AKAP8: variants seen among roughly 807,000 people sequenced by gnomAD.
The protein encoded by AKAP8 is A-kinase anchoring protein 8.
Under a neutral mutation model 67.5 loss-of-function variants are expected in AKAP8, and 24 were observed. That is an observed-to-expected ratio of 0.36 (90% CI 0.26 to 0.50). The LOEUF (loss-of-function observed/expected upper bound fraction) is 0.50, where lower values mean the gene tolerates loss of function less well. AKAP8 is among the 20% of genes least tolerant of loss of function. The pLI is 0.97. For synonymous variants in AKAP8, 400 were observed against 371.1 expected (o/e 1.08, Z -0.90); for missense variants, 971 against 955.9 (o/e 1.02, Z -0.21).
chr19:15,355,395 A>G lies in AKAP8; in HGVS notation c.1624-25T>C, dbSNP rs760253297. 4.4e-6 allele frequency: 7 copies of G among 1,595,738 alleles called. No homozygotes were observed. In the South Asian group the frequency reaches 7.8e-5, roughly 18 times the overall value. On this transcript the variant is annotated intron_variant, in intron 13 of 13. Transcript: ENST00000269701. ...CCTGGCCAAAGAGGAAACACCGGTCAGCGTGGTGTAAGCAGAGCTCAGGAG... is the reference window on the plus strand; with the variant it reads ...CCTGGCCAAAGAGGAAACACCGGTCGGCGTGGTGTAAGCAGAGCTCAGGAG...
chr19:15,372,204 C>T lies in AKAP8; in HGVS notation c.991+14G>A, dbSNP rs372022781. The T allele has an allele frequency of 5.6e-5, 90 of 1,613,552 alleles. 1 individual carries two copies. The highest frequency in any genetic ancestry group is 7.1e-5 in the Non-Finnish European group (84 of 1,179,772). ...TCCTACATCTGTCTGGCCCACCTGGCCCCCAGGACATACCATTTTCGGAGA... is the reference window on the plus strand; with the variant it reads ...TCCTACATCTGTCTGGCCCACCTGGTCCCCAGGACATACCATTTTCGGAGA... On this transcript the variant is annotated intron_variant, in intron 6 of 13. Transcript: ENST00000269701.
Position 15,369,304 on chromosome 19 carries a change from T to A in AKAP8, c.1072+842A>T. ...GGGCGCCCCGTGCTATGGACAGGAC[T>A]GCTGCGGGTCGCGGGGGGGAGGACC... On this transcript the variant is annotated intron_variant, in intron 8 of 13. Coordinates refer to ENST00000269701, the MANE Select transcript of AKAP8 (RefSeq NM_005858.4). This position sits in a 1 kb window ranked among gnomAD's most constrained non-coding sequence, Gnocchi z 4.6. 1.0e-6 allele frequency: 1 copy of A among 980,156 alleles called. No homozygotes were observed. The highest frequency in any genetic ancestry group is 4.7e-5 in the South Asian group (1 of 21,198). 60.7% of individuals were successfully genotyped at this position (980,156 alleles called of 1,614,324 possible). A position where few individuals can be genotyped will look rare whatever the true frequency, so the allele number is the denominator to read the frequency against.
intron 2 of AKAP8, among the ~76,000 whole-genome samples, chr19:15,376,235 TA>T (rs958549352): frequency 1.9e-4 from 29 of 152,166 alleles, no homozygotes; most frequent in African/African-American, 7.0e-4. Context: ...AAGATCTTAC[TA>T]ATGAGGCCAG....
chr19:15,378,742 C>T (rs1028634478), intron 1 of AKAP8, among the ~76,000 whole-genome samples: 1 of 152,212 alleles, frequency 6.6e-6, no homozygotes, highest in South Asian at 2.1e-4. Context: ...TTCTCTACAA[C>T]CAGTCGAGCT....
Position 15,359,002 on chromosome 19 carries a change from T to C in AKAP8, c.1588A>G (p.Arg530Gly). 1 of 1,614,254 alleles carries C rather than the reference T, an allele frequency of 6.2e-7. No individual in the cohort carries two copies. Among genetic ancestry groups the C allele is most frequent in the Non-Finnish European group, 8.5e-7 (1 of 1,180,050 alleles). ...TTTTCCAGCATCTTCACTATATGTC[T>C]GTTGTTCAAAACACTCTTAGCCACA... ...LHVAKSVLNN[R>G]HIVKMLEKYL... Residue 530 changes from arginine to glycine, a missense_variant, in exon 13 of 14, where the codon AGA becomes GGA. This residue lies in a region of AKAP8 where 763 missense variants were observed against 745.4 expected (regional missense o/e 1.02). Transcript: ENST00000269701.
rs372175828 is a variant in AKAP8 at position 15,370,681 on chromosome 19, G to A, written c.1039-502C>T. ...GAGTCTCGCCCTGTCTCCCAGGCTG[G>A]AGTGCAATGATGCAATCTCAGCTCA... is the stretch of plus-strand genomic sequence containing the variant. On this transcript the variant is annotated intron_variant, in intron 7 of 13. Coordinates refer to ENST00000269701, the MANE Select transcript of AKAP8 (RefSeq NM_005858.4). 7.7e-4 allele frequency among the ~76,000 whole-genome samples: 97 copies of A among 125,448 alleles called. 5 individuals carry two copies. In the South Asian group the frequency reaches 0.024, roughly 31 times the overall value. The allele number at this position is 125,448 out of a possible 152,430, so 82.3% of individuals were successfully genotyped here. A position where few individuals can be genotyped will look rare whatever the true frequency, so the allele number is the denominator to read the frequency against.
chr19:15,373,074 G>GGGGGCACGAAGGGGTCGC lies in AKAP8; in HGVS notation c.620_637dup (p.Pro212_Pro213insArgAspProPheValPro). 1 of 1,610,466 alleles carries GGGGGCACGAAGGGGTCGC rather than the reference G, an allele frequency of 6.2e-7. No individual in the cohort carries two copies. Among genetic ancestry groups the GGGGGCACGAAGGGGTCGC allele is most frequent in the Non-Finnish European group, 8.5e-7 (1 of 1,178,676 alleles). ...GGACAGGGGCTCAGAGGACGCAGCG[G>GGGGGCACGAAGGGGTCGC]GGGGCACGAAGGGGTCGCTGCGCAT... On this transcript the variant is annotated inframe_insertion, in exon 5 of 14. Transcript: ENST00000269701.
At chr19:15,361,128 G>A (rs1006488542) in intron 11 of AKAP8, 150 bp from the exon 12 acceptor site, 12 of 990,754 alleles carry the variant, frequency 1.2e-5, no homozygotes, top group Admixed American at 2.9e-5. Flanking sequence ...TCAGCACATC[G>A]GCCTCTATAG....
At chr19:15,362,384 C>CCCACGGTCTCCCTCTACCTCTCTTT (rs61341430) in intron 9 of AKAP8, 133 bp from the exon 10 acceptor site, 1 of 486,572 alleles carries the variant, frequency 2.1e-6, no homozygotes, top group Non-Finnish European at 3.3e-6. Flanking sequence ...TCTCCCTCTC[C>CCCACGGTCTCCCTCTACCTCTCTTT]CCACGGTCTC....
intron 7 of AKAP8, 21 bp from the exon 8 acceptor site, chr19:15,370,200 A>T: frequency 6.2e-7 from 1 of 1,613,864 alleles, no homozygotes; most frequent in Non-Finnish European, 8.5e-7. Flanking sequence ...GTATACACAA[A>T]GTCCGGCAGT....
intron 1 of AKAP8, among the ~76,000 whole-genome samples, chr19:15,378,297 A>C (rs1446954136): frequency 6.6e-6 from 1 of 152,156 alleles, no homozygotes; most frequent in Non-Finnish European, 1.5e-5. Flanking sequence ...CAAGTAACCA[A>C]CCTCGAGAGA....
At chr19:15,361,622 G>C in intron 11 of AKAP8, 107 bp downstream of exon 11, 1 of 941,296 alleles carries the variant, frequency 1.1e-6, no homozygotes, top group South Asian at 1.4e-5. Context: ...AAAGTGCTGG[G>C]ATTACAGGTG....
At chr19:15,362,331 A>T in intron 9 of AKAP8, 80 bp from the exon 10 acceptor site, 2 of 1,496,894 alleles carry the variant, frequency 1.3e-6, no homozygotes, top group Admixed American at 1.8e-5. Context: ...ACCTCTGAGG[A>T]GAGCTGAAAT....
rs892283678 is a variant in AKAP8 at position 15,369,350 on chromosome 19, G to C, written c.1072+796C>G. 4 of 734,510 alleles carry C rather than the reference G, an allele frequency of 5.4e-6. No homozygotes were observed. The highest frequency in any genetic ancestry group is 6.7e-6 in the Non-Finnish European group (4 of 600,922). 45.5% of individuals were successfully genotyped at this position (734,510 alleles called of 1,614,324 possible). The stretch of plus-strand genomic sequence containing the variant: ...GGACCGCAGAGGGCTGGCAAAGCCT[G>C]AACAGGAGGAACATCTAAGCCAAGG... On this transcript the variant is annotated intron_variant, in intron 8 of 13. Transcript: ENST00000269701. The surrounding 1 kb of genome is among the most constrained non-coding windows in gnomAD (Gnocchi z 4.6).
intron 9 of AKAP8, among the ~76,000 whole-genome samples, chr19:15,363,644 T>C (rs1298832176): frequency 6.6e-6 from 1 of 151,662 alleles, no homozygotes; most frequent in African/African-American, 2.4e-5. Context: ...GCCACCACCC[T>C]GTCTGGGAGG....
chr19:15,371,844 G>A (rs1967163333), intron 7 of AKAP8, 108 bp downstream of exon 7: 1 of 1,252,392 alleles, frequency 8.0e-7, no homozygotes, highest in African/African-American at 1.5e-5. Context: ...TCCACTCAGA[G>A]GTAGTCAAAT....
In AKAP8 at chr19:15,360,128, TC is replaced by T. The variant is rs982874800; in HGVS notation, c.1527+719del. On this transcript the variant is annotated intron_variant, in intron 12 of 13. Coordinates refer to ENST00000269701, the MANE Select transcript of AKAP8 (RefSeq NM_005858.4). ...CCAGCCTGGGCAACAAGAGTGAAAC[TC>T]CGTAAAAAAAAAACAAAAAAACAAA... Among the ~76,000 whole-genome samples, 40 of 149,830 alleles carry T rather than the reference TC, an allele frequency of 2.7e-4. 1 individual carries two copies. In the Middle Eastern group the frequency reaches 0.014, roughly 52 times the overall value.
intron 2 of AKAP8, 48 bp downstream of exon 2, chr19:15,376,928 T>C (rs1967262450): frequency 1.9e-6 from 3 of 1,593,588 alleles, no homozygotes; most frequent in Non-Finnish European, 2.6e-6. Flanking sequence ...GCTAGGGCCT[T>C]GAGTTAGGGG....
At chr19:15,377,859 A>G (rs1967280106) in intron 1 of AKAP8, among the ~76,000 whole-genome samples, 1 of 151,440 alleles carries the variant, frequency 6.6e-6, no homozygotes, top group Non-Finnish European at 1.5e-5. Flanking sequence ...AGCACTCTTC[A>G]CCCCTCCACA....
Sources: allele counts gnomAD v4.1 joint callset (sites outside exome capture counted in the v4.1 genomes callset), GRCh38; gene constraint gnomAD v4.1.1; regional missense constraint gnomAD v4.1.1; non-coding constraint Gnocchi (gnomAD v3.1); transcripts MANE v1.5; gene names NCBI Gene and HGNC (gene_info 2026-07-23, HGNC 2026-07-21).